The following TSHZ2 variants were observed in gnomAD, a reference collection of about 807,000 sequenced individuals.
TSHZ2 encodes the protein teashirt zinc finger homeobox 2.
TSHZ2 carries 21 observed loss-of-function variants against 74.4 expected under a neutral mutation model. The observed-to-expected ratio is 0.28, with a 90% CI of 0.20 to 0.41. TSHZ2 has a LOEUF of 0.41. Among genes scored for constraint, TSHZ2 ranks in the 10% least tolerant of loss-of-function variants. The pLI is 1.00. For synonymous variants in TSHZ2, 540 were observed against 515.3 expected (o/e 1.05, Z -0.65); for missense variants, 1,244 against 1,293.5 (o/e 0.96, Z 0.59).
At chr20:53,059,291 A>G (rs907130078) in intron 1 of TSHZ2, among the ~76,000 whole-genome samples, 8 of 152,090 alleles carry the variant, frequency 5.3e-5, no homozygotes, top group Non-Finnish European at 8.8e-5. Context: ...GACCCTAATG[A>G]CTCCATTTAT....
At chr20:53,266,964 GA>G (rs1376413819) in intron 2 of TSHZ2, among the ~76,000 whole-genome samples, 7 of 152,144 alleles carry the variant, frequency 4.6e-5, no homozygotes, top group African/African-American at 7.2e-5. Flanking sequence ...TTTTAGTACA[GA>G]AGGTGTTTCA....
intron 2 of TSHZ2, among the ~76,000 whole-genome samples, chr20:53,439,671 A>C (rs1284382467): frequency 6.6e-6 from 1 of 152,186 alleles, no homozygotes; most frequent in East Asian, 1.9e-4. Context: ...TACGTGCAAG[A>C]TCCTCTATTC....
intron 2 of TSHZ2, among the ~76,000 whole-genome samples, chr20:53,265,579 G>A (rs1358429898): frequency 6.6e-6 from 1 of 152,144 alleles, no homozygotes; most frequent in Non-Finnish European, 1.5e-5. Context: ...TGTATAATAG[G>A]CGCCATGGCA....
At chr20:53,456,555 AG>A (rs1279090127) in intron 2 of TSHZ2, among the ~76,000 whole-genome samples, 4 of 108,736 alleles carry the variant, frequency 3.7e-5, no homozygotes, top group Non-Finnish European at 7.2e-5. Flanking sequence ...GAAGCTCTTT[AG>A]TTTAATTAGA....
chr20:53,236,240 G>C (rs191887576), intron 1 of TSHZ2, among the ~76,000 whole-genome samples: 18 of 152,216 alleles, frequency 1.2e-4, no homozygotes, highest in Admixed American at 1.0e-3. Context: ...ATTTACAAAG[G>C]TTAAGTCTTT....
intron 1 of TSHZ2, among the ~76,000 whole-genome samples, chr20:53,009,562 T>G (rs1342104729): frequency 6.6e-6 from 1 of 152,210 alleles, no homozygotes. Flanking sequence ...TGAACCATAG[T>G]TGACCACAGG....
At chr20:53,324,347 CCTTTTCTA>C (rs1043774584) in intron 2 of TSHZ2, among the ~76,000 whole-genome samples, 5 of 151,962 alleles carry the variant, frequency 3.3e-5, no homozygotes, top group African/African-American at 1.2e-4. Flanking sequence ...GAGGCAGTTT[CCTTTTCTA>C]CTTTTTGTTT....
rs76831635 is a variant in TSHZ2 at position 53,220,350 on chromosome 20, C to T, written c.41-33149C>T. Among the ~76,000 whole-genome samples the T allele has an allele frequency of 9.1e-3, 1,389 of 152,290 alleles. 19 individuals carry two copies. Among genetic ancestry groups the T allele is most frequent in the African/African-American group, 0.032 (1,333 of 41,556 alleles). ...CACACACACTTGTCTAAAGGTGGGG[C>T]TTTAAGAGTTTGAGCACTGACTTGG... On this transcript the variant is annotated intron_variant, in intron 1 of 2. Transcript: ENST00000371497.
At chr20:53,196,603 C>T (rs1299208256) in intron 1 of TSHZ2, 3 of 152,142 alleles carry the variant, frequency 2.0e-5, no homozygotes, top group Non-Finnish European at 2.9e-5. Flanking sequence ...TAGCCCATTA[C>T]TATGATACCT....
At chr20:53,461,298 G>A (rs902258670) in intron 2 of TSHZ2, among the ~76,000 whole-genome samples, 14 of 152,340 alleles carry the variant, frequency 9.2e-5, no homozygotes, top group Admixed American at 5.9e-4. Context: ...GGAGTGACCC[G>A]ATTTCCAGGT....
chr20:53,328,973 A>C (rs13044509), intron 2 of TSHZ2, among the ~76,000 whole-genome samples: 16,658 of 152,264 alleles, frequency 0.11, 991 homozygotes, highest in South Asian at 0.16. Context: ...CATTATAGAT[A>C]ATTTCTAGAA....
chr20:53,371,390 A>G (rs1470896652), intron 2 of TSHZ2, among the ~76,000 whole-genome samples: 1 of 152,242 alleles, frequency 6.6e-6, no homozygotes, highest in East Asian at 1.9e-4. Context: ...GAGAGTTCAT[A>G]CGGGTTTCCA....
chr20:53,140,381 A>G (rs1187357876), intron 1 of TSHZ2, among the ~76,000 whole-genome samples: 2 of 151,862 alleles, frequency 1.3e-5, no homozygotes, highest in African/African-American at 4.8e-5. Context: ...TCTACTAAAA[A>G]TACAAAAAAT....
At chr20:53,108,849 T>A (rs1427476877) in intron 1 of TSHZ2, among the ~76,000 whole-genome samples, 2 of 152,210 alleles carry the variant, frequency 1.3e-5, no homozygotes, top group Non-Finnish European at 2.9e-5. Context: ...CTGCTGAGTC[T>A]CTACCTTCAG....
chr20:53,142,127 A>G (rs1021932383), intron 1 of TSHZ2, among the ~76,000 whole-genome samples: 4 of 151,334 alleles, frequency 2.6e-5, no homozygotes, highest in East Asian at 2.2e-4. Flanking sequence ...TCACCTCAAA[A>G]TGACTTAAGG....
At chr20:53,461,775 T>A (rs1264419581) in intron 2 of TSHZ2, among the ~76,000 whole-genome samples, 1 of 152,218 alleles carries the variant, frequency 6.6e-6, no homozygotes, top group African/African-American at 2.4e-5. Context: ...ACATCTGAGA[T>A]TGCTCTTCTT....
chr20:53,437,294 GA>G (rs1984122514), intron 2 of TSHZ2, among the ~76,000 whole-genome samples: 1 of 152,086 alleles, frequency 6.6e-6, no homozygotes, highest in Admixed American at 6.5e-5. Context: ...CCAACATGGT[GA>G]AACCCTGTGT....
intron 2 of TSHZ2, among the ~76,000 whole-genome samples, chr20:53,306,866 A>G (rs1192571468): frequency 6.6e-6 from 1 of 152,218 alleles, no homozygotes; most frequent in African/African-American, 2.4e-5. Context: ...TGCCAAATCT[A>G]CTGGTAATAA....
At position 53,161,130 on chromosome 20, in the gene TSHZ2, CAAAAAAAA is replaced by C. The variant is rs368626161; in HGVS notation, c.41-92353_41-92346del. ...AGAAACCAACTCTGGTTATTTTCAG[CAAAAAAAA>C]AAAAAAAAAAAAAAATAGGAGGTAA... On this transcript the variant is annotated intron_variant, in intron 1 of 2. Coordinates refer to ENST00000371497, the MANE Select transcript of TSHZ2 (RefSeq NM_173485.6). Among the ~76,000 whole-genome samples the C allele has an allele frequency of 7.4e-5, 5 of 67,980 alleles. No homozygotes were observed. The South Asian group carries it at 2.9e-3, about 39-fold the overall frequency. The allele number at this position is 67,980 out of a possible 152,430, so 44.6% of individuals were successfully genotyped here.
Sources: allele counts gnomAD v4.1 joint callset (sites outside exome capture counted in the v4.1 genomes callset), GRCh38; gene constraint gnomAD v4.1.1; transcripts MANE v1.5; gene names NCBI Gene and HGNC (gene_info 2026-07-23, HGNC 2026-07-21).